The following PTBP1 variants were observed in gnomAD, a reference collection of about 807,000 sequenced individuals.
PTBP1 encodes polypyrimidine tract-binding protein 1.
A neutral mutation model predicts 59.8 loss-of-function variants in PTBP1; 8 were observed. That is an observed-to-expected ratio of 0.13 (90% CI 0.08 to 0.24). The LOEUF (loss-of-function observed/expected upper bound fraction) is 0.24, where lower values mean the gene tolerates loss of function less well. PTBP1 is among the 10% of genes least tolerant of loss of function. The probability of loss-of-function intolerance (pLI) is 1.00; values close to 1 mark genes in which losing one functional copy is unlikely to be tolerated. For missense variants in PTBP1, 686 were observed against 767.0 expected (o/e 0.89, Z 1.25); for synonymous variants, 490 against 320.7 (o/e 1.53, Z -5.64).
rs1365780076 is a variant in PTBP1 at position 808,403 on chromosome 19, G to A, written c.1197G>A (p.Lys399=). 6.2e-7 allele frequency: 1 copy of A among 1,607,362 alleles called. No individual in the cohort carries two copies. Among genetic ancestry groups the A allele is most frequent in the East Asian group, 2.2e-5 (1 of 44,750 alleles). Residue 399 remains lysine (K), a synonymous_variant, in exon 12 of 15, where the codon AAG becomes AAA. Transcript: ENST00000356948. The surrounding 1 kb of genome is among the most constrained non-coding windows in gnomAD (Gnocchi z 4.7). ...AGCGCGTGAAGATCCTGTTCAATAA[G>A]AAGGAGAACGCCCTAGTGCAGATGG... ...DVQRVKILFN[K]KENALVQMAD...
Position 808,026 on chromosome 19 carries a change from TG to T in PTBP1, c.1153+126del, listed in dbSNP as rs1568273679. 1 of 933,352 alleles carries T rather than the reference TG, an allele frequency of 1.1e-6. No individual in the cohort carries two copies. The highest frequency in any genetic ancestry group is 2.4e-5 in the East Asian group (1 of 41,684). 57.8% of individuals were successfully genotyped at this position (933,352 alleles called of 1,614,324 possible). A position where few individuals can be genotyped will look rare whatever the true frequency, so the allele number is the denominator to read the frequency against. ...GCTCCGTGGCATCCGCCTCGTTTTA[TG>T]GTTTGCTTTCGGTTTGCGAATTTTA... is the stretch of plus-strand genomic sequence containing the variant. On this transcript the variant is annotated intron_variant, in intron 11 of 14. Transcript: ENST00000356948. The surrounding 1 kb of genome is among the most constrained non-coding windows in gnomAD (Gnocchi z 4.7).
In PTBP1 at chr19:797,478, G is replaced by T. The variant is rs779075102; in HGVS notation, c.-20G>T. On this transcript the variant is annotated 5_prime_UTR_variant, in exon 1 of 15. Transcript: ENST00000356948. ...TTCCGGCGCCTCCACTCCGTCCCCCGCGGGTCTGCTCTGTGTGCCATGGAC... is the reference window on the plus strand; with the variant it reads ...TTCCGGCGCCTCCACTCCGTCCCCCTCGGGTCTGCTCTGTGTGCCATGGAC... 2.5e-6 allele frequency: 4 copies of T among 1,594,906 alleles called. No homozygotes were observed. The highest frequency in any genetic ancestry group is 3.4e-5 in the Admixed American group (2 of 59,182).
At chr19:804,728 G>A in intron 6 of PTBP1, 26 bp downstream of exon 6, 1 of 1,610,266 alleles carries the variant, frequency 6.2e-7, no homozygotes, top group Non-Finnish European at 8.5e-7. Context: ...CACCGCCAGG[G>A]CAGGTCGGCT....
At chr19:806,079 C>T (rs991013490) in intron 9 of PTBP1, 1 of 287,700 alleles carries the variant, frequency 3.5e-6, no homozygotes, top group Non-Finnish European at 6.5e-6. Flanking sequence ...CGCGCATGCG[C>T]GGTGGTCCCG....
At chr19:799,252 C>T (rs1599215431) in intron 1 of PTBP1, 161 bp from the exon 2 acceptor site, 9 of 769,112 alleles carry the variant, frequency 1.2e-5, no homozygotes, top group Non-Finnish European at 1.7e-5. Context: ...ACTTCCCTGC[C>T]CTTCTGAGCT....
intron 9 of PTBP1, 30 bp from the exon 10 acceptor site, chr19:806,378 C>G: frequency 6.3e-7 from 1 of 1,578,792 alleles, no homozygotes; most frequent in Non-Finnish European, 8.6e-7. Flanking sequence ...TCGGGGGCGC[C>G]GCCGCTCATC....
chr19:799,030 C>G (rs1209267057), intron 1 of PTBP1, among the ~76,000 whole-genome samples: 1 of 152,260 alleles, frequency 6.6e-6, no homozygotes, highest in East Asian at 1.9e-4. Flanking sequence ...GTTTCAGCCT[C>G]TCCGAGGCGT....
At chr19:805,948 G>A in intron 9 of PTBP1, 1 of 294,838 alleles carries the variant, frequency 3.4e-6, no homozygotes, top group Admixed American at 5.0e-5. Context: ...GCGGCGGGAC[G>A]TGTGTGCGTG....
At chr19:804,265 G>T (rs774827236) in intron 4 of PTBP1, 27 bp from the exon 5 acceptor site, 90 of 1,612,748 alleles carry the variant, frequency 5.6e-5, no homozygotes, top group Non-Finnish European at 7.4e-5. Flanking sequence ...GACGAGGAGG[G>T]CCCAGCGCTC....
At chr19:806,196 G>T (rs1043415838) in intron 9 of PTBP1, 6 of 501,874 alleles carry the variant, frequency 1.2e-5, no homozygotes, top group African/African-American at 4.1e-5. Context: ...GGCCCGGCCC[G>T]TGCTGTGAGG....
At position 804,892 on chromosome 19, in the gene PTBP1, G is replaced by A; in HGVS notation, c.670G>A (p.Ala224Thr). ...CTTCACCAAGAACAACCAGTTCCAG[G>A]CCCTGCTGCAGTATGCGGACCCCGT... ...ITFTKNNQFQALLQYADPVSA... is the reference protein window; with the variant it reads ...ITFTKNNQFQTLLQYADPVSA... Residue 224 changes from alanine (A) to threonine (T), a missense_variant, in exon 7 of 15, where the codon GCC (alanine) becomes ACC (threonine). Transcript: ENST00000356948. 6.2e-7 allele frequency: 1 copy of A among 1,613,952 alleles called. No homozygotes were observed. The highest frequency in any genetic ancestry group is 1.1e-5 in the South Asian group (1 of 91,076).
Position 808,842 on chromosome 19 carries a change from G to A in PTBP1, c.1463+80G>A, listed in dbSNP as rs966803833. ...GGCTGTCCTACCGCGTCGGTGTGTG[G>A]ACTTCTGGCGTTTCCAGAGTGCAGG... On this transcript the variant is annotated intron_variant, in intron 13 of 14. Transcript: ENST00000356948. This position sits in a 1 kb window ranked among gnomAD's most constrained non-coding sequence, Gnocchi z 4.7. 2.2e-6 allele frequency: 3 copies of A among 1,352,266 alleles called. No homozygotes were observed. The highest frequency in any genetic ancestry group is 1.5e-5 in the African/African-American group (1 of 68,700). The allele number at this position is 1,352,266 out of a possible 1,614,324, so 83.8% of individuals were successfully genotyped here.
At chr19:800,550 C>T (rs944048984) in intron 2 of PTBP1, among the ~76,000 whole-genome samples, 3 of 152,162 alleles carry the variant, frequency 2.0e-5, no homozygotes, top group Admixed American at 1.3e-4. Flanking sequence ...TCCCGCAGGG[C>T]GAGCCCACAG....
rs2034824617 is a variant in PTBP1, at chr19:810,725, G to T, written c.1573G>T (p.Gly525Cys). The change falls in exon 15 of 15, where the codon GGC becomes TGC. Residue 525 changes from glycine to cysteine, a missense_variant. Transcript: ENST00000356948. ...CCGCAAGATGGCACTGATCCAGATG[G>T]GCTCCGTGGAGGAGGCGGTCCAGGC... ...KDRKMALIQM[G>C]SVEEAVQALI... The T allele has an allele frequency of 1.2e-6, 2 of 1,609,526 alleles. No homozygotes were observed. The highest frequency in any genetic ancestry group is 3.4e-5 in the Admixed American group (2 of 58,890).
chr19:809,221 C>T (rs2034731712), intron 13 of PTBP1, among the ~76,000 whole-genome samples: 1 of 150,516 alleles, frequency 6.6e-6, no homozygotes, highest in African/African-American at 2.4e-5. Flanking sequence ...ATTGGCCAGG[C>T]TGATCTTGAT....
intron 2 of PTBP1, among the ~76,000 whole-genome samples, chr19:801,689 T>C (rs1394564375): frequency 1.3e-5 from 2 of 152,304 alleles, no homozygotes; most frequent in Middle Eastern, 3.4e-3. Context: ...GGAAGCGACT[T>C]CCTGTGGGAG....
At chr19:798,168 G>A (rs919527985) in intron 1 of PTBP1, among the ~76,000 whole-genome samples, 1 of 151,758 alleles carries the variant, frequency 6.6e-6, no homozygotes, top group Non-Finnish European at 1.5e-5. Context: ...CGGCCGCCCC[G>A]AGGGTCTGTC....
At position 806,431 on chromosome 19, in the gene PTBP1, G is replaced by T; in HGVS notation, c.994G>T (p.Gly332Cys). 6.2e-7 allele frequency: 1 copy of T among 1,602,174 alleles called. No individual in the cohort carries two copies. Among genetic ancestry groups the T allele is most frequent in the South Asian group, 1.1e-5 (1 of 90,476 alleles). Reference protein sequence around the residue: ...AAGLSVPNVHGALAPLAIPSA... With the variant: ...AAGLSVPNVHCALAPLAIPSA... The stretch of plus-strand genomic sequence containing the variant: ...AGGCCTTTCCGTTCCGAACGTCCAC[G>T]GCGCCCTGGCCCCCCTGGCCATCCC... Residue 332 changes from glycine (G) to cysteine (C), a missense_variant, in exon 10 of 15, where the codon GGC becomes TGC. Transcript: ENST00000356948.
chr19:810,411 A>G (rs949250946), intron 13 of PTBP1, 132 bp from the exon 14 acceptor site: 4 of 671,890 alleles, frequency 6.0e-6, no homozygotes, highest in African/African-American at 3.7e-5. Flanking sequence ...TTGATACCCC[A>G]TTTCTGGGCT....
Sources: allele counts gnomAD v4.1 joint callset (sites outside exome capture counted in the v4.1 genomes callset), GRCh38; gene constraint gnomAD v4.1.1; non-coding constraint Gnocchi (gnomAD v3.1); transcripts MANE v1.5; gene names NCBI Gene and HGNC (gene_info 2026-07-23, HGNC 2026-07-21).